Variants in C8orf34 observed in about 807,000 individuals in gnomAD.
C8orf34 encodes the protein chromosome 8 open reading frame 34, also known as uncharacterized protein C8orf34.
C8orf34 carries 65 observed loss-of-function variants against 68.3 expected under a neutral mutation model. The ratio of observed to expected loss-of-function variants is 0.95; its 90% confidence interval spans 0.78 to 1.17. The LOEUF (loss-of-function observed/expected upper bound fraction) is 1.17. C8orf34 is among the 50% of genes most tolerant of loss of function. C8orf34 has a pLI of 0.00. For synonymous variants in C8orf34, 244 were observed against 241.2 expected (o/e 1.01, Z -0.11); for missense variants, 664 against 655.4 (o/e 1.01, Z -0.14).
At chr8:68,529,037 C>A (rs1019288029) in intron 6 of C8orf34, among the ~76,000 whole-genome samples, 1 of 152,190 alleles carries the variant, frequency 6.6e-6, no homozygotes, top group Non-Finnish European at 1.5e-5. Context: ...TCATTCCCTG[C>A]ACCATTCCTT....
At chr8:68,482,537 A>C (rs1350506593) in intron 4 of C8orf34, among the ~76,000 whole-genome samples, 1 of 152,166 alleles carries the variant, frequency 6.6e-6, no homozygotes, top group Non-Finnish European at 1.5e-5. Flanking sequence ...GGCTTCCCAA[A>C]GTGTTAAGAT....
intron 1 of C8orf34, among the ~76,000 whole-genome samples, chr8:68,426,870 A>AG: frequency 7.0e-6 from 1 of 142,718 alleles, no homozygotes; most frequent in Non-Finnish European, 1.5e-5. Flanking sequence ...ACTCCGTCTA[A>AG]AAAAAAACCA....
intron 4 of C8orf34, among the ~76,000 whole-genome samples, chr8:68,487,086 G>T (rs890669727): frequency 1.3e-5 from 2 of 152,180 alleles, no homozygotes; most frequent in Non-Finnish European, 2.9e-5. Flanking sequence ...ATAATGGAAT[G>T]CCCACAAGAA....
At chr8:68,351,193 A>G (rs185922839) in intron 1 of C8orf34, among the ~76,000 whole-genome samples, 98 of 152,108 alleles carry the variant, frequency 6.4e-4, no homozygotes, top group Admixed American at 1.6e-3. Flanking sequence ...ACCTGAAAAG[A>G]ATCTTATTTT....
At chr8:68,415,109 T>C (rs892171685) in intron 1 of C8orf34, among the ~76,000 whole-genome samples, 5 of 152,160 alleles carry the variant, frequency 3.3e-5, no homozygotes, top group African/African-American at 4.8e-5. Flanking sequence ...AATGTGGCCC[T>C]GGAGACTGGT....
At chr8:68,801,331 C>T (rs773598969) in intron 12 of C8orf34, among the ~76,000 whole-genome samples, 2 of 151,982 alleles carry the variant, frequency 1.3e-5, no homozygotes, top group South Asian at 2.1e-4. Context: ...ACAGAAGATA[C>T]GGCAATACTA....
chr8:68,773,687 T>C (rs1473488234), intron 10 of C8orf34, among the ~76,000 whole-genome samples: 104 of 152,134 alleles, frequency 6.8e-4, no homozygotes, highest in Non-Finnish European at 7.4e-5. Context: ...CACCGGCCCC[T>C]CCGAGAGTCT....
chr8:68,498,907 C>T (rs34940183), intron 5 of C8orf34, among the ~76,000 whole-genome samples: 9,505 of 152,188 alleles, frequency 0.062, 551 homozygotes, highest in East Asian at 0.21. Flanking sequence ...ACTAAGAAAG[C>T]ACAAGTTGAG....
chr8:68,331,281 A>G lies in C8orf34; in HGVS notation c.269A>G (p.His90Arg). ...TCCCATCTGTTCCCCATGGCGTCTC[A>G]TCCGCAAACCCGGATCCAGGCTTAC... ...SRSHLFPMASHPQTRIQAYLE... is the reference protein window; with the variant it reads ...SRSHLFPMASRPQTRIQAYLE... Residue 90 changes from histidine (H) to arginine (R), a missense_variant, in exon 1 of 14, where the codon CAT becomes CGT. Physicochemically the swap from His to Arg is conservative, Grantham distance 29. Transcript: ENST00000518698. 6.5e-7 allele frequency: 1 copy of G among 1,536,472 alleles called. No homozygotes were observed. Among genetic ancestry groups the G allele is most frequent in the East Asian group, 2.4e-5 (1 of 40,904 alleles).
At chr8:68,714,329 G>A (rs1452876959) in intron 9 of C8orf34, among the ~76,000 whole-genome samples, 1 of 152,016 alleles carries the variant, frequency 6.6e-6, no homozygotes, top group Non-Finnish European at 1.5e-5. Context: ...TCCAGAGGAA[G>A]TCAAACTGTC....
At chr8:68,491,581 G>A (rs1813314458) in intron 5 of C8orf34, among the ~76,000 whole-genome samples, 4 of 152,028 alleles carry the variant, frequency 2.6e-5, no homozygotes, top group African/African-American at 7.2e-5. Flanking sequence ...CTTCAGCCAG[G>A]AACAACTCTC....
chr8:68,729,446 C>T (rs146177635), intron 10 of C8orf34, among the ~76,000 whole-genome samples: 214 of 152,220 alleles, frequency 1.4e-3, no homozygotes, highest in African/African-American at 4.1e-3. Context: ...TGCACAAATG[C>T]CTTTTATTTC....
chr8:68,620,519 T>G (rs991421470), intron 7 of C8orf34, among the ~76,000 whole-genome samples: 4 of 152,012 alleles, frequency 2.6e-5, no homozygotes, highest in Non-Finnish European at 5.9e-5. Flanking sequence ...GGAGAGGAGC[T>G]CCCTTGCTGT....
At position 68,535,405 on chromosome 8, in the gene C8orf34, G is replaced by A. The variant is rs893048445; in HGVS notation, c.1105+2256G>A. The A allele has an allele frequency of 1.4e-5, 14 of 983,994 alleles. No individual in the cohort carries two copies. In the South Asian group the frequency reaches 4.2e-4, roughly 30 times the overall value. 61.0% of individuals were successfully genotyped at this position (983,994 alleles called of 1,614,324 possible). A position where few individuals can be genotyped will look rare whatever the true frequency, so the allele number is the denominator to read the frequency against. ...GGCTGAAAAATATTTATTATGCATG[G>A]AAAGCACTCTGTAAACCTTGTGAAG... On this transcript the variant is annotated intron_variant, in intron 7 of 13. Coordinates refer to ENST00000518698, the MANE Select transcript of C8orf34 (RefSeq NM_052958.4).
chr8:68,379,670 A>T (rs983982039), intron 1 of C8orf34, among the ~76,000 whole-genome samples: 1 of 152,112 alleles, frequency 6.6e-6, no homozygotes, highest in South Asian at 2.1e-4. Flanking sequence ...CAAGTCACTG[A>T]TTCCTATTCA....
intron 10 of C8orf34, among the ~76,000 whole-genome samples, chr8:68,736,715 A>T (rs1822132088): frequency 6.6e-6 from 1 of 152,106 alleles, no homozygotes; most frequent in African/African-American, 2.4e-5. Flanking sequence ...GAACTGAAGG[A>T]GGAAAAATCA....
At position 68,739,080 on chromosome 8, in the gene C8orf34, T is replaced by G. The variant is rs565096643; in HGVS notation, c.1404+17643T>G. On this transcript the variant is annotated intron_variant, in intron 10 of 13. Coordinates refer to ENST00000518698, the MANE Select transcript of C8orf34 (RefSeq NM_052958.4). Reference sequence around the variant, plus strand: ...CTGGCAAACTGAAACCAGCAGCACATCAAAAAGCTTACCACAATCAAGTGG... The same window carrying G: ...CTGGCAAACTGAAACCAGCAGCACAGCAAAAAGCTTACCACAATCAAGTGG... Among the ~76,000 whole-genome samples, 38 of 152,150 alleles carry G rather than the reference T, an allele frequency of 2.5e-4. 1 individual carries two copies. Among genetic ancestry groups the G allele is most frequent in the African/African-American group, 9.1e-4 (38 of 41,534 alleles).
At chr8:68,656,950 G>A (rs1456309934) in intron 8 of C8orf34, among the ~76,000 whole-genome samples, 1 of 152,202 alleles carries the variant, frequency 6.6e-6, no homozygotes, top group Non-Finnish European at 1.5e-5. Flanking sequence ...AGGAGTAAAA[G>A]GTCGTTTGGG....
chr8:68,352,028 A>G (rs1194222096), intron 1 of C8orf34, among the ~76,000 whole-genome samples: 1 of 151,932 alleles, frequency 6.6e-6, no homozygotes, highest in Non-Finnish European at 1.5e-5. Flanking sequence ...TCTTTGGAAC[A>G]TTTTTGAATC....
Sources: allele counts gnomAD v4.1 joint callset (sites outside exome capture counted in the v4.1 genomes callset), GRCh38; gene constraint gnomAD v4.1.1; transcripts MANE v1.5; gene names NCBI Gene and HGNC (gene_info 2026-07-23, HGNC 2026-07-21).